Variants in SLC39A11 observed in about 807,000 individuals in gnomAD.
SLC39A11 encodes the protein solute carrier family 39 member 11.
In SLC39A11, 33 loss-of-function variants were observed where a neutral mutation model predicts 36.1. The ratio of observed to expected loss-of-function variants is 0.91; its 90% CI spans 0.69 to 1.22. The LOEUF (loss-of-function observed/expected upper bound fraction) is 1.22. Ranked by LOEUF, SLC39A11 falls within the 50% of genes most tolerant of loss-of-function variation. SLC39A11 has a pLI of 0.00. For synonymous variants in SLC39A11, 166 were observed against 170.3 expected, an observed-to-expected ratio of 0.97 and a Z score of 0.20; for missense variants, 432 against 430.3, an observed-to-expected ratio of 1.00 and a Z score of -0.03.
At chr17:72,666,250 A>T (rs960742391) in intron 7 of SLC39A11, among the ~76,000 whole-genome samples, 5 of 152,154 alleles carry the variant, frequency 3.3e-5, no homozygotes, top group Admixed American at 6.5e-5. Context: ...GCCAAAGCTC[A>T]TTTTCCTGTC....
chr17:72,775,005 A>T (rs544743557), intron 6 of SLC39A11, among the ~76,000 whole-genome samples: 1 of 152,046 alleles, frequency 6.6e-6, no homozygotes, highest in South Asian at 2.1e-4. Flanking sequence ...AGAAAAAAAA[A>T]AAATAAGCTC....
chr17:72,998,468 G>A (rs1568094773), intron 4 of SLC39A11, among the ~76,000 whole-genome samples: 1 of 152,160 alleles, frequency 6.6e-6, no homozygotes, highest in Non-Finnish European at 1.5e-5. Flanking sequence ...CTCCATTATA[G>A]ACAGTAATTA....
At chr17:73,054,510 A>G (rs1427983186) in intron 3 of SLC39A11, among the ~76,000 whole-genome samples, 1 of 152,198 alleles carries the variant, frequency 6.6e-6, no homozygotes, top group Non-Finnish European at 1.5e-5. Context: ...CTCTGCCCTC[A>G]AGGTGCTTCT....
intron 4 of SLC39A11, among the ~76,000 whole-genome samples, chr17:73,009,492 T>C (rs886157282): frequency 7.9e-5 from 12 of 152,092 alleles, no homozygotes; most frequent in Non-Finnish European, 1.6e-4. Flanking sequence ...ATATGAAATG[T>C]CCAGAATGGG....
chr17:72,938,081 A>T (rs1048584941), intron 5 of SLC39A11, among the ~76,000 whole-genome samples: 3 of 152,188 alleles, frequency 2.0e-5, no homozygotes, highest in Non-Finnish European at 4.4e-5. Context: ...CAACTCTGAA[A>T]ATCATGTTTC....
intron 7 of SLC39A11, among the ~76,000 whole-genome samples, chr17:72,669,853 TAC>T (rs907337367): frequency 2.0e-5 from 3 of 151,816 alleles, no homozygotes; most frequent in African/African-American, 7.3e-5. Context: ...TATGTATACA[TAC>T]ACACACACGT....
In SLC39A11 at chr17:72,949,412, C is replaced by A. The variant is rs572988793; in HGVS notation, c.307-1537G>T. Among the ~76,000 whole-genome samples the A allele has an allele frequency of 6.6e-5, 10 of 151,928 alleles. No individual in the cohort carries two copies. The East Asian group carries it at 1.8e-3, about 27-fold the overall frequency. ...CTGACCTCAAGTGATCCACCTGCCT[C>A]GGCCTCCCAAAGTGCTGGGATTACA... On this transcript the variant is annotated intron_variant, in intron 4 of 9. Coordinates refer to ENST00000255559, the MANE Select transcript of SLC39A11 (RefSeq NM_139177.4).
chr17:72,972,605 C>T (rs951607656), intron 4 of SLC39A11, among the ~76,000 whole-genome samples: 4 of 152,134 alleles, frequency 2.6e-5, no homozygotes, highest in Non-Finnish European at 5.9e-5. Context: ...TATTTTCCAT[C>T]ATTACAACCC....
At chr17:72,673,956 TA>T (rs1437311575) in intron 7 of SLC39A11, among the ~76,000 whole-genome samples, 1 of 152,094 alleles carries the variant, frequency 6.6e-6, no homozygotes, top group Non-Finnish European at 1.5e-5. Context: ...TAATCCCAGC[TA>T]CTTGGGAGGC....
intron 6 of SLC39A11, among the ~76,000 whole-genome samples, chr17:72,829,522 CT>C (rs1192641556): frequency 3.3e-5 from 5 of 152,054 alleles, no homozygotes; most frequent in African/African-American, 9.7e-5. Flanking sequence ...TCAAGGGCAG[CT>C]GGGCAGAAGT....
intron 5 of SLC39A11, among the ~76,000 whole-genome samples, chr17:72,899,138 G>A (rs78664234): frequency 1.9e-3 from 289 of 152,294 alleles, no homozygotes; most frequent in Middle Eastern, 0.01. Flanking sequence ...GCTGTGCTGC[G>A]CTGAAGGATG....
intron 5 of SLC39A11, among the ~76,000 whole-genome samples, chr17:72,915,237 TATCAA>T (rs1285402950): frequency 6.6e-6 from 1 of 152,056 alleles, no homozygotes; most frequent in Non-Finnish European, 1.5e-5. Flanking sequence ...ACCACCTCCT[TATCAA>T]ATGCTCACAC....
intron 7 of SLC39A11, among the ~76,000 whole-genome samples, chr17:72,731,260 C>T (rs2074202051): frequency 6.6e-6 from 1 of 152,188 alleles, no homozygotes; most frequent in Non-Finnish European, 1.5e-5. Flanking sequence ...CAGAAATCTT[C>T]TGTGAGTTGA....
chr17:72,883,573 C>T (rs551059755), intron 5 of SLC39A11, among the ~76,000 whole-genome samples: 20 of 151,352 alleles, frequency 1.3e-4, no homozygotes, highest in Admixed American at 2.0e-4. Context: ...TCTGTTCTCC[C>T]GGTGGATTGT....
At chr17:73,052,818 T>C (rs975454346) in intron 3 of SLC39A11, among the ~76,000 whole-genome samples, 14 of 152,078 alleles carry the variant, frequency 9.2e-5, no homozygotes, top group African/African-American at 3.1e-4. Flanking sequence ...CTCCTGCCTC[T>C]GCCTCCCGAG....
intron 6 of SLC39A11, chr17:72,837,916 T>C (rs1177183922): frequency 4.1e-6 from 5 of 1,221,592 alleles, no homozygotes; most frequent in South Asian, 8.5e-5. Flanking sequence ...CTAATAAGCA[T>C]GCAGTTTCTT....
At chr17:72,897,063 A>AAAAC (rs1555620553) in intron 5 of SLC39A11, among the ~76,000 whole-genome samples, 1 of 150,522 alleles carries the variant, frequency 6.6e-6, no homozygotes, top group African/African-American at 2.4e-5. Context: ...AAAAAAAAAA[A>AAAAC]AAAAAAAACA....
chr17:72,829,118 G>C (rs768252078), intron 6 of SLC39A11, among the ~76,000 whole-genome samples: 1 of 152,066 alleles, frequency 6.6e-6, no homozygotes, highest in Non-Finnish European at 1.5e-5. Context: ...TTGAGAGGCC[G>C]AGGTGGGAGG....
chr17:72,758,532 G>A (rs1488997513), intron 6 of SLC39A11, among the ~76,000 whole-genome samples: 1 of 152,160 alleles, frequency 6.6e-6, no homozygotes, highest in Non-Finnish European at 1.5e-5. Context: ...CCGCAGTTAA[G>A]GGTTTCCTGG....
Sources: allele counts gnomAD v4.1 joint callset (sites outside exome capture counted in the v4.1 genomes callset), GRCh38; gene constraint gnomAD v4.1.1; transcripts MANE v1.5; gene names NCBI Gene and HGNC (gene_info 2026-07-23, HGNC 2026-07-21).